The following ELMO1 variants were observed in gnomAD, a reference collection of about 807,000 sequenced individuals.
The protein encoded by ELMO1 is engulfment and cell motility protein 1.
In ELMO1, 26 loss-of-function variants were observed where a neutral mutation model predicts 98.9. That is an observed-to-expected ratio of 0.26 (90% CI 0.19 to 0.36). ELMO1 has a LOEUF of 0.36. ELMO1 is among the 10% of genes least tolerant of loss of function. ELMO1 has a pLI of 1.00. For missense variants in ELMO1, 627 were observed against 935.2 expected (o/e 0.67, Z 4.30); for synonymous variants, 346 against 346.0 (o/e 1.00, Z 0.00).
At chr7:37,108,058 G>A (rs1202701733) in intron 14 of ELMO1, among the ~76,000 whole-genome samples, 2 of 152,280 alleles carry the variant, frequency 1.3e-5, no homozygotes, top group East Asian at 1.9e-4. Context: ...CAAGTTAGCT[G>A]CAATGAAAAA....
intron 18 of ELMO1, among the ~76,000 whole-genome samples, chr7:36,879,000 T>C (rs1804205814): frequency 6.6e-6 from 1 of 152,230 alleles, no homozygotes; most frequent in Non-Finnish European, 1.5e-5. Flanking sequence ...CTCTGAGATG[T>C]TCTACAGTCT....
intron 15 of ELMO1, among the ~76,000 whole-genome samples, chr7:37,017,050 A>G (rs1282171932): frequency 6.6e-6 from 1 of 152,222 alleles, no homozygotes; most frequent in Non-Finnish European, 1.5e-5. Flanking sequence ...ATGCTGATGT[A>G]TATTTACTGT....
chr7:36,871,100 G>C (rs1032007877), intron 19 of ELMO1, among the ~76,000 whole-genome samples: 1 of 152,206 alleles, frequency 6.6e-6, no homozygotes, highest in Non-Finnish European at 1.5e-5. Context: ...ATTAAATAAA[G>C]GGAGAATTCC....
chr7:36,909,465 A>G (rs920079767), intron 16 of ELMO1, among the ~76,000 whole-genome samples: 27 of 152,240 alleles, frequency 1.8e-4, no homozygotes, highest in African/African-American at 6.5e-4. Flanking sequence ...ATCTCCTACA[A>G]TGAATGCCCA....
At chr7:37,038,327 G>A (rs888371966) in intron 15 of ELMO1, among the ~76,000 whole-genome samples, 13 of 152,122 alleles carry the variant, frequency 8.5e-5, no homozygotes, top group African/African-American at 3.1e-4. Flanking sequence ...TCCTGTCCCT[G>A]GATGCTTTAG....
chr7:37,371,356 A>T (rs989427031), intron 1 of ELMO1, among the ~76,000 whole-genome samples: 1 of 152,222 alleles, frequency 6.6e-6, no homozygotes, highest in Non-Finnish European at 1.5e-5. Context: ...GGGTACATGG[A>T]TCTTCATCTT....
chr7:37,360,992 G>A (rs894642352), intron 1 of ELMO1, among the ~76,000 whole-genome samples: 18 of 151,860 alleles, frequency 1.2e-4, no homozygotes, highest in African/African-American at 4.1e-4. Flanking sequence ...ATATTAATAA[G>A]TATTTACTTC....
chr7:37,107,875 C>A, intron 14 of ELMO1, among the ~76,000 whole-genome samples: 1 of 152,318 alleles, frequency 6.6e-6, no homozygotes, highest in East Asian at 1.9e-4. Flanking sequence ...CACTTTCTCA[C>A]TTAGCACATT....
chr7:36,895,081 T>C (rs1358315581), intron 16 of ELMO1, 64 bp from the exon 17 acceptor site: 23 of 1,589,134 alleles, frequency 1.4e-5, no homozygotes, highest in Non-Finnish European at 3.4e-6. Flanking sequence ...GAAAAGTCTT[T>C]CCGAGTTAAG....
intron 13 of ELMO1, among the ~76,000 whole-genome samples, chr7:37,188,666 T>A (rs187619346): frequency 3.0e-4 from 45 of 152,178 alleles, no homozygotes; most frequent in Admixed American, 1.0e-3. Context: ...TGAAACGGCC[T>A]AGGCGTTAGA....
At chr7:37,267,029 ATG>A (rs1297850535) in intron 5 of ELMO1, among the ~76,000 whole-genome samples, 1,357 of 96,504 alleles carry the variant, frequency 0.014, 138 homozygotes, top group African/African-American at 0.046. Context: ...AAAAAAAAAT[ATG>A]TATATATACA....
At chr7:37,131,472 T>C (rs996541781) in intron 14 of ELMO1, among the ~76,000 whole-genome samples, 2 of 152,222 alleles carry the variant, frequency 1.3e-5, no homozygotes, top group Non-Finnish European at 2.9e-5. Context: ...ATGCTTCTTA[T>C]GCAATTAACA....
At chr7:37,316,875 T>C (rs1464201329) in intron 2 of ELMO1, among the ~76,000 whole-genome samples, 1 of 152,206 alleles carries the variant, frequency 6.6e-6, no homozygotes, top group Non-Finnish European at 1.5e-5. Context: ...CCTGTCTATA[T>C]GAAGGGCAAT....
At chr7:37,034,416 GT>G (rs1438259231) in intron 15 of ELMO1, among the ~76,000 whole-genome samples, 1 of 152,020 alleles carries the variant, frequency 6.6e-6, no homozygotes, top group Non-Finnish European at 1.5e-5. Flanking sequence ...AAAAAATTAT[GT>G]TGTTTAAACC....
At chr7:37,080,366 AC>A (rs1490771417) in intron 15 of ELMO1, among the ~76,000 whole-genome samples, 5 of 151,824 alleles carry the variant, frequency 3.3e-5, no homozygotes, top group African/African-American at 1.2e-4. Flanking sequence ...TTCTCTTTCT[AC>A]GTAGAGTAAA....
chr7:36,923,652 G>C (rs143352547), intron 16 of ELMO1, among the ~76,000 whole-genome samples: 51 of 152,286 alleles, frequency 3.3e-4, no homozygotes, highest in African/African-American at 1.2e-3. Flanking sequence ...TTTGGGATAA[G>C]GATCATGCCT....
intron 20 of ELMO1, among the ~76,000 whole-genome samples, chr7:36,869,464 G>A (rs963387255): frequency 6.6e-6 from 1 of 152,132 alleles, no homozygotes; most frequent in African/African-American, 2.4e-5. Flanking sequence ...TTATTTTAAC[G>A]CTGATTGGTA....
chr7:37,023,083 G>C lies in ELMO1; in HGVS notation c.1301-9648C>G, dbSNP rs796542309. 7.2e-5 allele frequency among the ~76,000 whole-genome samples: 11 copies of C among 152,250 alleles called. No homozygotes were observed. In the South Asian group the frequency reaches 1.9e-3, roughly 26 times the overall value. The stretch of plus-strand genomic sequence containing the variant: ...ATTCACAGATGATAATGCAAACAGG[G>C]TATTGGTTCTTTTGGAAGAGAGAAG... On this transcript the variant is annotated intron_variant, in intron 15 of 21. Coordinates refer to ENST00000310758, the MANE Select transcript of ELMO1 (RefSeq NM_014800.11).
chr7:37,305,453 T>TATGTGG, intron 4 of ELMO1, among the ~76,000 whole-genome samples: 1 of 151,750 alleles, frequency 6.6e-6, no homozygotes, highest in East Asian at 1.9e-4. Context: ...ATAGTGTGTG[T>TATGTGG]GTGTGTGTGT....
Sources: allele counts gnomAD v4.1 joint callset (sites outside exome capture counted in the v4.1 genomes callset), GRCh38; gene constraint gnomAD v4.1.1; transcripts MANE v1.5; gene names NCBI Gene and HGNC (gene_info 2026-07-23, HGNC 2026-07-21).